Variants in HDAC5 observed in about 807,000 individuals in gnomAD.
HDAC5 encodes histone deacetylase 5, also known as antigen NY-CO-9.
In HDAC5, 25 loss-of-function variants were observed where a neutral mutation model predicts 133.3. The ratio of observed to expected loss-of-function variants is 0.19; its 90% CI spans 0.14 to 0.26. The LOEUF (loss-of-function observed/expected upper bound fraction) is 0.26, where lower values mean the gene tolerates loss of function less well. HDAC5 is among the 10% of genes least tolerant of loss of function. The pLI, the probability that HDAC5 is intolerant of heterozygous loss-of-function variation, is 1.00. For synonymous variants in HDAC5, 589 were observed against 610.8 expected (o/e 0.96, Z 0.53); for missense variants, 1,041 against 1,460.5 (o/e 0.71, Z 4.68).
chr17:44,078,541 G>A lies in HDAC5; in HGVS notation c.3288C>T (p.Ala1096=), dbSNP rs748638455. 31 of 1,612,182 alleles carry A rather than the reference G, an allele frequency of 1.9e-5. No homozygotes were observed. The highest frequency in any genetic ancestry group is 5.0e-5 in the Admixed American group (3 of 59,962). ...GGGCTGCCGCAGCCTGGGCCTGCTC[G>A]GCCCCCACCGACAGCAAGGCCATGG... ...VSAMALLSVG[A]EQAQAAAARE... The change falls in exon 26 of 27, where the codon GCC becomes GCT. Residue 1096 remains alanine, a synonymous_variant. Transcript: ENST00000682912.
At chr17:44,112,739 G>A (rs374411537) in intron 2 of HDAC5, among the ~76,000 whole-genome samples, 6 of 152,310 alleles carry the variant, frequency 3.9e-5, no homozygotes, top group African/African-American at 1.4e-4. Flanking sequence ...ACACCTATAG[G>A]CAGAGGCAGG....
intron 1 of HDAC5, among the ~76,000 whole-genome samples, chr17:44,122,936 G>A (rs760559816): frequency 5.9e-5 from 9 of 152,226 alleles, no homozygotes; most frequent in Admixed American, 5.9e-4. Context: ...CCTCACAGGA[G>A]ACGGGGTGAG....
intron 21 of HDAC5, 63 bp from the exon 22 acceptor site, chr17:44,080,561 C>A: frequency 4.5e-6 from 7 of 1,546,710 alleles, no homozygotes; most frequent in Non-Finnish European, 6.2e-6. Context: ...ATTGCCCCTG[C>A]CCTCACCCCT....
intron 12 of HDAC5, 30 bp from the exon 13 acceptor site, chr17:44,087,726 T>G (rs1346839224): frequency 1.3e-6 from 2 of 1,537,848 alleles, no homozygotes; most frequent in African/African-American, 1.4e-5. Flanking sequence ...GCACATCAGC[T>G]GGGAGTTGGG....
At position 44,079,287 on chromosome 17, in the gene HDAC5, T is replaced by C; in HGVS notation, c.2945-10A>G. The C allele has an allele frequency of 6.2e-7, 1 of 1,612,192 alleles. No homozygotes were observed. Among genetic ancestry groups the C allele is most frequent in the Non-Finnish European group, 8.5e-7 (1 of 1,179,020 alleles). ...GTCAAGTGGCCAAAACCTTTGAGGA[T>C]GGGTGAAGGGAGGAAGAAGAAATGG... On this transcript the variant is annotated splice_polypyrimidine_tract_variant and intron_variant, in intron 23 of 26. Transcript: ENST00000682912.
chr17:44,111,384 C>A (rs1479221215), intron 2 of HDAC5: 3 of 340,040 alleles, frequency 8.8e-6, no homozygotes, highest in South Asian at 4.5e-5. Context: ...AAGCGCCAGG[C>A]GAGGGGGATG....
Position 44,087,550 on chromosome 17 carries a change from T to G in HDAC5, c.1746A>C (p.Thr582=), listed in dbSNP as rs1260091488. The G allele has an allele frequency of 1.2e-6, 2 of 1,613,992 alleles. No individual in the cohort carries two copies. Among genetic ancestry groups the G allele is most frequent in the Non-Finnish European group, 1.7e-6 (2 of 1,179,994 alleles). ...PREGSTESES[T]QEDLEEEDEE... ...CGTCCTCCTCCTCCAGGTCTTCCTG[T>G]GTGCTCTCACTCTCTGTGGAGCCCT... Residue 582 remains threonine (T), a synonymous_variant, in exon 13 of 27, where the codon ACA becomes ACC. Coordinates refer to ENST00000682912, the MANE Select transcript of HDAC5 (RefSeq NM_005474.5).
intron 11 of HDAC5, 50 bp downstream of exon 11, chr17:44,091,220 G>T: frequency 7.2e-7 from 1 of 1,381,880 alleles, no homozygotes. Flanking sequence ...ATCCCTGACA[G>T]TTGGTCCTGA....
At chr17:44,112,147 T>TC (rs1241911868) in intron 2 of HDAC5, among the ~76,000 whole-genome samples, 5 of 152,118 alleles carry the variant, frequency 3.3e-5, no homozygotes, top group Admixed American at 2.6e-4. Context: ...GCCTCCCATT[T>TC]CCCAGGGTTT....
chr17:44,115,046 A>G (rs2052569461), intron 2 of HDAC5, among the ~76,000 whole-genome samples: 1 of 152,194 alleles, frequency 6.6e-6, no homozygotes, highest in Non-Finnish European at 1.5e-5. Flanking sequence ...GCCCCTCACC[A>G]AAACAGTCTC....
chr17:44,086,907 G>A (rs1456430227), intron 13 of HDAC5, among the ~76,000 whole-genome samples, 170 bp from the exon 14 acceptor site: 1 of 150,894 alleles, frequency 6.6e-6, no homozygotes, highest in African/African-American at 2.4e-5. Flanking sequence ...CATCTCCTCT[G>A]AGATGGGGAG....
intron 1 of HDAC5, among the ~76,000 whole-genome samples, chr17:44,123,027 C>A (rs1281434005): frequency 6.6e-6 from 1 of 152,160 alleles, no homozygotes; most frequent in Non-Finnish European, 1.5e-5. Flanking sequence ...ATCAAGGATG[C>A]GTTCGTAGCT....
In HDAC5 at chr17:44,082,679, AG is replaced by A; in HGVS notation, c.2520-8del. ...GTTGAAGAAGCAGAATCCCCTGAGG[AG>A]GGGAGAAAAGGGCAGGAGGTCAGCC... is the stretch of plus-strand genomic sequence containing the variant. On this transcript the variant is annotated splice_region_variant and splice_polypyrimidine_tract_variant and intron_variant, in intron 19 of 26. Coordinates refer to ENST00000682912, the MANE Select transcript of HDAC5 (RefSeq NM_005474.5). 1 of 1,613,334 alleles carries A rather than the reference AG, an allele frequency of 6.2e-7. No homozygotes were observed. Among genetic ancestry groups the A allele is most frequent in the South Asian group, 1.1e-5 (1 of 91,040 alleles).
chr17:44,079,302 A>G lies in HDAC5; in HGVS notation c.2945-25T>C, dbSNP rs776976383. On this transcript the variant is annotated intron_variant, in intron 23 of 26. Transcript: ENST00000682912. ...CCTTTGAGGATGGGTGAAGGGAGGA[A>G]GAAGAAATGGCGAAAGGTAATCAAT... 10 of 1,608,550 alleles carry G rather than the reference A, an allele frequency of 6.2e-6. No homozygotes were observed. In the Admixed American group the frequency reaches 1.3e-4, roughly 22 times the overall value.
Position 44,091,254 on chromosome 17 carries a change from C to T in HDAC5, c.1387+16G>A. ...GACCTTAGCCCCCTCCCTTGCACAGCTACCTGTCCACTCACCAGCAATGAG... is the reference window on the plus strand; with the variant it reads ...GACCTTAGCCCCCTCCCTTGCACAGTTACCTGTCCACTCACCAGCAATGAG... On this transcript the variant is annotated intron_variant, in intron 11 of 26. Transcript: ENST00000682912. 2.5e-6 allele frequency: 4 copies of T among 1,594,492 alleles called. No individual in the cohort carries two copies. Among genetic ancestry groups the T allele is most frequent in the Non-Finnish European group, 3.4e-6 (4 of 1,168,004 alleles).
At chr17:44,085,256 C>T in intron 14 of HDAC5, 101 bp from the exon 15 acceptor site, 1 of 1,294,218 alleles carries the variant, frequency 7.7e-7, no homozygotes, top group Non-Finnish European at 1.0e-6. Context: ...GTCTCCAACC[C>T]CCAGGTCCAA....
At position 44,082,793 on chromosome 17, in the gene HDAC5, C is replaced by G; in HGVS notation, c.2491G>C (p.Gly831Arg). Residue 831 changes from glycine to arginine, a missense_variant, in exon 19 of 27, where the codon GGA becomes CGA. Around this residue, in one of 9 missense-constraint regions of HDAC5, gnomAD observed 174 missense variants for 352.7 expected, o/e 0.49. Transcript: ENST00000682912. ...KNGFAIIRPP[G>R]HHAEESTAMG... ...GCTGTGGATTCCTCGGCGTGGTGTC[C>G]TGGGGGCCGGATGATGGCAAATCCA... 6.4e-7 allele frequency: 1 copy of G among 1,559,932 alleles called. No individual in the cohort carries two copies. The highest frequency in any genetic ancestry group is 2.4e-5 in the East Asian group (1 of 41,968).
chr17:44,107,773 G>A (rs12450723), intron 3 of HDAC5, among the ~76,000 whole-genome samples: 25 of 152,158 alleles, frequency 1.6e-4, no homozygotes, highest in African/African-American at 4.1e-4. Flanking sequence ...GCACGAACAC[G>A]AATATCCAGG....
chr17:44,076,934 AG>A lies in HDAC5; in HGVS notation c.*1441del, dbSNP rs1207509342. The A allele has an allele frequency of 1.3e-5, 2 of 156,416 alleles. No homozygotes were observed. The highest frequency in any genetic ancestry group is 2.4e-5 in the African/African-American group (1 of 41,452). The allele number at this position is 156,416 out of a possible 1,614,324, so 9.7% of individuals were successfully genotyped here. On this transcript the variant is annotated 3_prime_UTR_variant, in exon 27 of 27. Coordinates refer to ENST00000682912, the MANE Select transcript of HDAC5 (RefSeq NM_005474.5). ...CCTGGGGCTCAGCACAGAGAGGCCT[AG>A]TACACTGAGCCTGGCCCCATCCCCA...
Sources: allele counts gnomAD v4.1 joint callset (sites outside exome capture counted in the v4.1 genomes callset), GRCh38; gene constraint gnomAD v4.1.1; regional missense constraint gnomAD v4.1.1; transcripts MANE v1.5; gene names NCBI Gene and HGNC (gene_info 2026-07-23, HGNC 2026-07-21).